The following TTC28 variants were observed in gnomAD, a reference collection of about 807,000 sequenced individuals.
TTC28 encodes tetratricopeptide repeat protein 28.
In TTC28, 61 loss-of-function variants were observed where a neutral mutation model predicts 198.0. The ratio of observed to expected loss-of-function variants is 0.31; its 90% CI spans 0.25 to 0.38. The LOEUF is 0.38. Ranked by LOEUF, TTC28 falls within the 10% of genes least tolerant of loss-of-function variation. The probability of loss-of-function intolerance (pLI) is 1.00; values close to 1 mark genes in which losing one functional copy is unlikely to be tolerated. For missense variants in TTC28, 2,678 were observed against 3,164.0 expected (o/e 0.85, Z 3.69); for synonymous variants, 1,171 against 1,297.8 (o/e 0.90, Z 2.10).
At chr22:28,029,981 T>C (rs2146629845) in intron 13 of TTC28, among the ~76,000 whole-genome samples, 1 of 152,356 alleles carries the variant, frequency 6.6e-6, no homozygotes, top group South Asian at 2.1e-4. Context: ...CTGGGACTCC[T>C]ATCCCAGCCA....
At chr22:28,285,675 T>C (rs1042489566) in intron 5 of TTC28, among the ~76,000 whole-genome samples, 1 of 152,182 alleles carries the variant, frequency 6.6e-6, no homozygotes, top group African/African-American at 2.4e-5. Flanking sequence ...ATTGTACACC[T>C]TGAATACATA....
chr22:28,553,860 C>G (rs1450529593), intron 2 of TTC28, among the ~76,000 whole-genome samples: 2 of 152,252 alleles, frequency 1.3e-5, no homozygotes, highest in African/African-American at 4.8e-5. Context: ...GCCACCACCC[C>G]GTCTGGGAGG....
At chr22:28,317,498 G>C (rs1419510701) in intron 2 of TTC28, among the ~76,000 whole-genome samples, 3 of 152,154 alleles carry the variant, frequency 2.0e-5, no homozygotes, top group African/African-American at 7.2e-5. Context: ...ACTTTTCACA[G>C]GTTTTGTTGT....
chr22:28,185,804 C>T (rs534817170), intron 5 of TTC28, among the ~76,000 whole-genome samples: 1 of 152,204 alleles, frequency 6.6e-6, no homozygotes, highest in East Asian at 1.9e-4. Flanking sequence ...AAGAATTTCA[C>T]CCTCATTTTG....
At chr22:28,614,388 C>T (rs2050867940) in intron 2 of TTC28, among the ~76,000 whole-genome samples, 1 of 152,158 alleles carries the variant, frequency 6.6e-6, no homozygotes, top group African/African-American at 2.4e-5. Flanking sequence ...TTTATAGATT[C>T]AATGCTATCC....
At chr22:28,027,010 C>G (rs967142274) in intron 13 of TTC28, among the ~76,000 whole-genome samples, 1 of 152,152 alleles carries the variant, frequency 6.6e-6, no homozygotes, top group African/African-American at 2.4e-5. Flanking sequence ...AAAAGCCTGT[C>G]CTGTTCTTCT....
chr22:28,155,104 T>C (rs1330762101), intron 6 of TTC28, among the ~76,000 whole-genome samples: 4 of 152,244 alleles, frequency 2.6e-5, no homozygotes, highest in Non-Finnish European at 5.9e-5. Context: ...TCTATGTATC[T>C]CATAGATGTT....
At chr22:28,576,977 GC>G (rs2050161571) in intron 2 of TTC28, among the ~76,000 whole-genome samples, 1 of 151,334 alleles carries the variant, frequency 6.6e-6, no homozygotes, top group Admixed American at 6.6e-5. Flanking sequence ...ATTTATTTCT[GC>G]TCTGATCTTT....
chr22:28,637,205 T>C (rs1000874168), intron 1 of TTC28, among the ~76,000 whole-genome samples: 31 of 152,042 alleles, frequency 2.0e-4, no homozygotes, highest in African/African-American at 7.0e-4. Context: ...AGAGACAGGG[T>C]TTCACCGTGT....
intron 14 of TTC28, among the ~76,000 whole-genome samples, chr22:28,003,000 AAAG>A (rs1463577824): frequency 6.6e-6 from 1 of 152,208 alleles, no homozygotes; most frequent in African/African-American, 2.4e-5. Flanking sequence ...AACAACAAAA[AAAG>A]AGCTACAGTA....
chr22:28,304,648 C>A (rs1331099922), intron 3 of TTC28, among the ~76,000 whole-genome samples: 2 of 152,084 alleles, frequency 1.3e-5, no homozygotes, highest in East Asian at 3.9e-4. Flanking sequence ...TCCAGCAGCG[C>A]AGGGAAGATT....
intron 1 of TTC28, among the ~76,000 whole-genome samples, chr22:28,673,867 T>C (rs2051930953): frequency 6.6e-6 from 1 of 152,190 alleles, no homozygotes; most frequent in Non-Finnish European, 1.5e-5. Flanking sequence ...ATAAATGTTC[T>C]ACCAAGTTTA....
chr22:27,995,991 A>G, intron 17 of TTC28, 144 bp downstream of exon 17: 3 of 1,275,794 alleles, frequency 2.4e-6, no homozygotes, highest in Non-Finnish European at 2.1e-6. Context: ...CGTCTGTGGA[A>G]GCCGGTCAGT....
intron 2 of TTC28, among the ~76,000 whole-genome samples, chr22:28,608,205 CG>C: frequency 6.6e-6 from 1 of 152,138 alleles, no homozygotes; most frequent in Non-Finnish European, 1.5e-5. Flanking sequence ...CCTATGTGAT[CG>C]ACTTGAAAAC....
At chr22:28,191,474 G>C (rs1924743519) in intron 5 of TTC28, among the ~76,000 whole-genome samples, 1 of 152,246 alleles carries the variant, frequency 6.6e-6, no homozygotes, top group Non-Finnish European at 1.5e-5. Context: ...CCGAGCGTAA[G>C]CGGAGGCAGG....
At chr22:28,302,533 AT>A (rs1386469888) in intron 3 of TTC28, among the ~76,000 whole-genome samples, 3 of 152,228 alleles carry the variant, frequency 2.0e-5, no homozygotes, top group Non-Finnish European at 4.4e-5. Context: ...GATGGATATT[AT>A]AATTTCTCTC....
intron 2 of TTC28, among the ~76,000 whole-genome samples, chr22:28,466,261 T>A (rs2048019609): frequency 6.6e-6 from 1 of 152,168 alleles, no homozygotes; most frequent in Non-Finnish European, 1.5e-5. Context: ...GAGCATCCAC[T>A]AGAGAAATGC....
intron 1 of TTC28, among the ~76,000 whole-genome samples, chr22:28,638,078 G>A (rs2051304615): frequency 6.6e-6 from 1 of 152,104 alleles, no homozygotes; most frequent in Admixed American, 6.5e-5. Flanking sequence ...AATCTGAAGG[G>A]AGAAATAGAC....
At chr22:28,135,674 GA>G (rs1474378322) in intron 6 of TTC28, among the ~76,000 whole-genome samples, 2 of 152,312 alleles carry the variant, frequency 1.3e-5, no homozygotes, top group East Asian at 3.9e-4. Context: ...AGAAGTTGAG[GA>G]AGTAGAACTT....
Sources: gnomAD v4.1 joint callset for allele counts (sites outside exome capture counted in the v4.1 genomes callset) on GRCh38, gnomAD v4.1.1 for gene constraint, MANE v1.5 for transcripts, NCBI Gene and HGNC (gene_info 2026-07-23, HGNC 2026-07-21) for gene names.